MYO15A: variants seen among roughly 807,000 people sequenced by gnomAD.
MYO15A encodes myosin XVA.
In MYO15A, 308 loss-of-function variants were observed where a neutral mutation model predicts 394.6. That is an observed-to-expected ratio of 0.78 (90% CI 0.71 to 0.86). The LOEUF (loss-of-function observed/expected upper bound fraction) is 0.86. Among genes scored for constraint, MYO15A ranks in the 40% least tolerant of loss-of-function variants. The pLI, the probability that MYO15A is intolerant of heterozygous loss-of-function variation, is 0.00. For missense variants in MYO15A, 4,606 were observed against 4,799.1 expected (o/e 0.96, Z 1.19); for synonymous variants, 1,957 against 2,003.8 (o/e 0.98, Z 0.62).
At position 18,172,266 on chromosome 17, in the gene MYO15A, C is replaced by T; in HGVS notation, c.10326C>T (p.Leu3442=). 1 of 1,614,248 alleles carries T rather than the reference C, an allele frequency of 6.2e-7. No homozygotes were observed. The highest frequency in any genetic ancestry group is 1.1e-5 in the South Asian group (1 of 91,088). Residue 3442 remains leucine (L), a synonymous_variant, in exon 64 of 66, where the codon CTC becomes CTT. Coordinates refer to ENST00000647165, the MANE Select transcript of MYO15A (RefSeq NM_016239.4). ...PCILAINHNG[L]NFLSTETHEL... ...TCCTTGCCATCAACCACAATGGCCT[C>T]AACTTTCTCAGCACAGAGACTCATG...
rs748603494 is a variant in MYO15A, at chr17:18,119,763, G to A, written c.963G>A (p.Gly321=). ...AACCCCCATATGCGCCCCCGTCGGG[G>A]TACTCGTCTCCTTACAGCTACCACG... ...DYEPPYAPPS[G]YSSPYSYHDG... Residue 321 remains glycine, a synonymous_variant, in exon 2 of 66, where the codon GGG becomes GGA. Coordinates refer to ENST00000647165, the MANE Select transcript of MYO15A (RefSeq NM_016239.4). 4.3e-6 allele frequency: 7 copies of A among 1,612,882 alleles called. No homozygotes were observed. Among genetic ancestry groups the A allele is most frequent in the Middle Eastern group, 1.6e-4 (1 of 6,062 alleles).
chr17:18,111,341 GAAAAAAAAAAAA>G (rs57095827), intron 1 of MYO15A, among the ~76,000 whole-genome samples: 1,542 of 119,042 alleles, frequency 0.013, 26 homozygotes, highest in African/African-American at 0.045. Flanking sequence ...TCTCAAAAGA[GAAAAAAAAAAAA>G]AAAAAAAAAA....
chr17:18,130,081 A>G (rs915519985), intron 7 of MYO15A, among the ~76,000 whole-genome samples: 2 of 152,076 alleles, frequency 1.3e-5, no homozygotes, highest in African/African-American at 4.8e-5. Flanking sequence ...GTGTTTCACC[A>G]TGTTGGTCAG....
At chr17:18,176,694 C>T (rs1211437167) in intron 65 of MYO15A, 1 of 152,068 alleles carries the variant, frequency 6.6e-6, no homozygotes, top group Non-Finnish European at 1.5e-5. Flanking sequence ...TGCCACCATG[C>T]CCGGCTATTT....
Position 18,138,255 on chromosome 17 carries a change from C to T in MYO15A, c.5007+9C>T. On this transcript the variant is annotated intron_variant, in intron 17 of 65. Transcript: ENST00000647165. The stretch of plus-strand genomic sequence containing the variant: ...AGTGTTGCTTTCCCCAGGTGAGCCG[C>T]AGGCACTGTGTGAGCCTAGTCAGGT... 6.2e-7 allele frequency: 1 copy of T among 1,611,610 alleles called. No individual in the cohort carries two copies. Among genetic ancestry groups the T allele is most frequent in the East Asian group, 2.2e-5 (1 of 44,886 alleles).
chr17:18,136,303 CACA>C, intron 13 of MYO15A, 111 bp from the exon 14 acceptor site: 1 of 1,321,842 alleles, frequency 7.6e-7, no homozygotes. Context: ...TGTGCACAGT[CACA>C]ACATCCCTCC....
chr17:18,166,252 G>A, intron 60 of MYO15A, 109 bp from the exon 61 acceptor site: 2 of 1,463,054 alleles, frequency 1.4e-6, no homozygotes, highest in South Asian at 2.3e-5. Context: ...TGTCCGAGGT[G>A]ATACCTCACC....
At chr17:18,125,411 A>G (rs2046015606) in intron 4 of MYO15A, 180 bp downstream of exon 4, 2 of 658,860 alleles carry the variant, frequency 3.0e-6, no homozygotes, top group Non-Finnish European at 5.4e-6. Flanking sequence ...GGTGGATGCC[A>G]GAGGCCGGGC....
At chr17:18,152,046 CCCTGCCACTGCCCCTCCACAGGG>C in intron 41 of MYO15A, 43 bp from the exon 42 acceptor site, 1 of 1,542,784 alleles carries the variant, frequency 6.5e-7, no homozygotes, top group Non-Finnish European at 8.8e-7. Flanking sequence ...TAAGCTGTGG[CCCTGCCACTGCCCCTCCACAGGG>C]CCTGCCTGTT....
At chr17:18,112,259 T>C (rs971548872) in intron 1 of MYO15A, among the ~76,000 whole-genome samples, 2 of 147,598 alleles carry the variant, frequency 1.4e-5, no homozygotes, top group African/African-American at 5.1e-5. Flanking sequence ...ATGTAACAAA[T>C]GTTACATGAC....
chr17:18,122,464 G>A (rs1260172434), intron 2 of MYO15A, 55 bp downstream of exon 2: 2 of 1,570,622 alleles, frequency 1.3e-6, no homozygotes, highest in East Asian at 4.5e-5. Context: ...AGGAAACAGG[G>A]CAAGAGAGAC....
rs569920214 is a variant in MYO15A, at chr17:18,164,079, TG to T, written c.9787+242del. 1,729 of 561,662 alleles carry T rather than the reference TG, an allele frequency of 3.1e-3. 5 individuals are homozygous for T. Among genetic ancestry groups the T allele is most frequent in the Admixed American group, 7.5e-3 (274 of 36,542 alleles). The allele number at this position is 561,662 out of a possible 1,614,324, so 34.8% of individuals were successfully genotyped here. On this transcript the variant is annotated intron_variant, in intron 60 of 65. Transcript: ENST00000647165. ...GAGAGCCCTCTCTCATCCCTCCCTT[TG>T]TCCCTCAGGACATGCTCAATGTGAG...
chr17:18,109,736 T>C (rs2045699166), intron 1 of MYO15A: 1 of 152,116 alleles, frequency 6.6e-6, no homozygotes, highest in Non-Finnish European at 1.5e-5. Flanking sequence ...GTTGCATTCA[T>C]CTCCCAGCTG....
rs1469332778 is a variant in MYO15A, at chr17:18,151,124, A to G, written c.7488A>G (p.Pro2496=). Residue 2496 remains proline, a synonymous_variant, in exon 39 of 66, where the codon CCA becomes CCG. Transcript: ENST00000647165. ...RSLPAEKPPA[P]EAQPTSVGTG... ...GTTCTCCACAGAAACCCCCAGCACC[A>G]GAGGCACAGCCGACGTCTGTAGGCA... 1 of 1,613,960 alleles carries G rather than the reference A, an allele frequency of 6.2e-7. No homozygotes were observed. The highest frequency in any genetic ancestry group is 8.5e-7 in the Non-Finnish European group (1 of 1,179,992).
chr17:18,119,534 A>G lies in MYO15A; in HGVS notation c.734A>G (p.Tyr245Cys), dbSNP rs1567619619. Residue 245 changes from tyrosine (Y) to cysteine (C), a missense_variant, in exon 2 of 66, where the codon TAC (tyrosine) becomes TGC (cysteine). This residue lies in a region of MYO15A where 1,830 missense variants were observed against 1,689.7 expected (regional missense o/e 1.08). Coordinates refer to ENST00000647165, the MANE Select transcript of MYO15A (RefSeq NM_016239.4). ...YYDYHRDGDDYYDRQSLHRYE... is the reference protein window; with the variant it reads ...YYDYHRDGDDCYDRQSLHRYE... The stretch of plus-strand genomic sequence containing the variant: ...GACTATCACCGCGACGGCGACGACT[A>G]CTACGACCGGCAGTCACTCCACCGC... The G allele has an allele frequency of 6.2e-7, 1 of 1,609,420 alleles. No individual in the cohort carries two copies. The highest frequency in any genetic ancestry group is 1.7e-5 in the Admixed American group (1 of 59,996).
At chr17:18,139,396 G>A in intron 18 of MYO15A, 138 bp from the exon 19 acceptor site, 1 of 1,027,402 alleles carries the variant, frequency 9.7e-7, no homozygotes, top group Non-Finnish European at 1.5e-6. Flanking sequence ...CATGGCGAAT[G>A]CTCCCCTCCC....
In MYO15A at chr17:18,150,833, C is replaced by A. The variant is rs752458676; in HGVS notation, c.7396-3C>A. On this transcript the variant is annotated splice_polypyrimidine_tract_variant and splice_region_variant and intron_variant, in intron 37 of 65. Coordinates refer to ENST00000647165, the MANE Select transcript of MYO15A (RefSeq NM_016239.4). The surrounding 1 kb of genome is among the most constrained non-coding windows in gnomAD (Gnocchi z 4.4). Reference sequence around the variant, plus strand: ...CCTGGTCACCACTGCCACCTCTCCCCAGGCCCGGGAGATGACCCTGCAGGC... The same window carrying A: ...CCTGGTCACCACTGCCACCTCTCCCAAGGCCCGGGAGATGACCCTGCAGGC... 6.3e-7 allele frequency: 1 copy of A among 1,592,608 alleles called. No homozygotes were observed. The highest frequency in any genetic ancestry group is 1.3e-5 in the African/African-American group (1 of 74,578).
Position 18,119,204 on chromosome 17 carries a change from A to C in MYO15A, c.404A>C (p.Asn135Thr). The change falls in exon 2 of 66, where the codon AAC (asparagine) becomes ACC (threonine). Residue 135 changes from asparagine (N) to threonine (T), a missense_variant. By Grantham distance (65) the Asn-to-Thr change is moderately conservative (BLOSUM62 0). Around this residue, in one of 2 missense-constraint regions of MYO15A, gnomAD observed 1,830 missense variants for 1,689.7 expected, o/e 1.08. Transcript: ENST00000647165. The part of the protein sequence containing the change: ...RSLSKASTAI[N>T]WLTKKFLLKK... ...CTCAGCAAAGCGTCCACGGCCATCA[A>C]CTGGCTCACAAAAAAGTTCCTCCTC... The C allele has an allele frequency of 1.2e-6, 2 of 1,612,494 alleles. No homozygotes were observed. Among genetic ancestry groups the C allele is most frequent in the South Asian group, 1.1e-5 (1 of 91,080 alleles).
At position 18,166,347 on chromosome 17, in the gene MYO15A, C is replaced by T. The variant is rs551626421; in HGVS notation, c.9788-14C>T. The stretch of plus-strand genomic sequence containing the variant: ...ACATGCCCCCACCCAGCCCTGCCTC[C>T]CTGCTCTCTGCAGGCCAGCATGTGT... On this transcript the variant is annotated splice_polypyrimidine_tract_variant and intron_variant, in intron 60 of 65. Coordinates refer to ENST00000647165, the MANE Select transcript of MYO15A (RefSeq NM_016239.4). 1 of 1,611,282 alleles carries T rather than the reference C, an allele frequency of 6.2e-7. No individual in the cohort carries two copies. Among genetic ancestry groups the T allele is most frequent in the East Asian group, 2.2e-5 (1 of 44,886 alleles).
Sources: gnomAD v4.1 joint callset for allele counts (sites outside exome capture counted in the v4.1 genomes callset) on GRCh38, gnomAD v4.1.1 for gene constraint, gnomAD v4.1.1 regional missense constraint, Gnocchi (gnomAD v3.1) non-coding constraint, MANE v1.5 for transcripts, NCBI Gene and HGNC (gene_info 2026-07-23, HGNC 2026-07-21) for gene names.